The following TP53BP2 variants were observed in gnomAD, a reference collection of about 807,000 sequenced individuals.
TP53BP2 encodes tumor protein p53 binding protein 2.
Under a neutral mutation model 126.2 loss-of-function variants are expected in TP53BP2, and 62 were observed. The observed-to-expected ratio is 0.49, with a 90% confidence interval of 0.40 to 0.61. TP53BP2 has a LOEUF of 0.61. Among genes scored for constraint, TP53BP2 ranks in the 20% least tolerant of loss-of-function variants. The pLI is 0.00. For synonymous variants in TP53BP2, 485 were observed against 502.9 expected (o/e 0.96, Z 0.48); for missense variants, 1,215 against 1,402.8 (o/e 0.87, Z 2.14).
At chr1:223,789,541 C>T (rs1046119064) in intron 15 of TP53BP2, among the ~76,000 whole-genome samples, 1 of 152,180 alleles carries the variant, frequency 6.6e-6, no homozygotes, top group African/African-American at 2.4e-5. Context: ...AGTAGAAGCC[C>T]TAACAGTCCT....
chr1:223,836,123 A>G (rs1384126434), intron 1 of TP53BP2, among the ~76,000 whole-genome samples: 1 of 152,226 alleles, frequency 6.6e-6, no homozygotes, highest in Non-Finnish European at 1.5e-5. Context: ...AGGCAGGACA[A>G]AGAAGAGATG....
intron 1 of TP53BP2, among the ~76,000 whole-genome samples, chr1:223,825,274 T>C (rs1470120444): frequency 6.6e-6 from 1 of 152,168 alleles, no homozygotes; most frequent in African/African-American, 2.4e-5. Context: ...GCAAATGTGA[T>C]TGCATTTTAC....
In TP53BP2 at chr1:223,807,286, T is replaced by G. The variant is rs76768447; in HGVS notation, c.373-339A>C. ...ATATTACAACAGAAGTGTTTGATCATATTAAACATGGTATTGAGGCACTGG... is the reference window on the plus strand; with the variant it reads ...ATATTACAACAGAAGTGTTTGATCAGATTAAACATGGTATTGAGGCACTGG... On this transcript the variant is annotated intron_variant, in intron 4 of 17. Coordinates refer to ENST00000343537, the MANE Select transcript of TP53BP2 (RefSeq NM_001031685.3). Among the ~76,000 whole-genome samples, 346 of 152,326 alleles carry G rather than the reference T, an allele frequency of 2.3e-3. 2 individuals are homozygous for G. The highest frequency in any genetic ancestry group is 0.014 in the Middle Eastern group (4 of 294).
At chr1:223,845,633 C>T (rs761460857) in intron 1 of TP53BP2, 21 bp downstream of exon 1, 1 of 1,549,692 alleles carries the variant, frequency 6.5e-7, no homozygotes, top group Non-Finnish European at 8.6e-7. Flanking sequence ...GGCCCGACGC[C>T]CTGGCCGCTC....
At chr1:223,825,396 T>G (rs12754603) in intron 1 of TP53BP2, among the ~76,000 whole-genome samples, 1 of 152,168 alleles carries the variant, frequency 6.6e-6, no homozygotes, top group African/African-American at 2.4e-5. Context: ...AGGTAAAGAC[T>G]CTCCTGAATC....
chr1:223,843,704 T>A (rs1272066965), intron 1 of TP53BP2, among the ~76,000 whole-genome samples: 1 of 152,204 alleles, frequency 6.6e-6, no homozygotes, highest in African/African-American at 2.4e-5. Context: ...GATAAATTGG[T>A]TAGAATTTTC....
intron 1 of TP53BP2, among the ~76,000 whole-genome samples, chr1:223,822,693 T>A (rs1218761559): frequency 1.3e-5 from 2 of 150,268 alleles, no homozygotes; most frequent in Non-Finnish European, 3.0e-5. Flanking sequence ...AACCTAACAA[T>A]CTTGACAATC....
chr1:223,829,895 T>C (rs954590737), intron 1 of TP53BP2, among the ~76,000 whole-genome samples: 1 of 152,140 alleles, frequency 6.6e-6, no homozygotes, highest in African/African-American at 2.4e-5. Context: ...CCCTTCTTGG[T>C]GACCACATAC....
chr1:223,800,648 C>G, intron 10 of TP53BP2, 52 bp downstream of exon 10: 1 of 1,322,852 alleles, frequency 7.6e-7, no homozygotes, highest in Non-Finnish European at 1.1e-6. Context: ...ATACACAGCA[C>G]CTTTCAGATG....
chr1:223,789,344 A>C (rs1428630479), intron 15 of TP53BP2, among the ~76,000 whole-genome samples, 170 bp from the exon 16 acceptor site: 1 of 152,236 alleles, frequency 6.6e-6, no homozygotes, highest in Non-Finnish European at 1.5e-5. Context: ...GAACCCATCA[A>C]AGAATTACAG....
rs148138373 is a variant in TP53BP2, at chr1:223,821,560, G to A, written c.28-193C>T. On this transcript the variant is annotated intron_variant, in intron 1 of 17. Coordinates refer to ENST00000343537, the MANE Select transcript of TP53BP2 (RefSeq NM_001031685.3). ...GACCTGGAGCCCAGCCCCTACCATGGGGCAGTAGCTCTAGAACCCTTGGTG... is the reference window on the plus strand; with the variant it reads ...GACCTGGAGCCCAGCCCCTACCATGAGGCAGTAGCTCTAGAACCCTTGGTG... The A allele has an allele frequency of 3.0e-4, 230 of 757,026 alleles. No homozygotes were observed. The African/African-American group carries it at 3.2e-3, about 11-fold the overall frequency. 46.9% of individuals were successfully genotyped at this position (757,026 alleles called of 1,614,324 possible).
rs553471734 is a variant in TP53BP2, at chr1:223,814,380, T to A, written c.176-27A>T. Reference sequence around the variant, plus strand: ...TAAAGCAAATGAGTAGAAACCACATTATTTTCAGGTAAAAGAAAGATAAAT... The same window carrying A: ...TAAAGCAAATGAGTAGAAACCACATAATTTTCAGGTAAAAGAAAGATAAAT... On this transcript the variant is annotated intron_variant, in intron 2 of 17. Coordinates refer to ENST00000343537, the MANE Select transcript of TP53BP2 (RefSeq NM_001031685.3). The A allele has an allele frequency of 6.3e-5, 93 of 1,468,428 alleles. No individual in the cohort carries two copies. The South Asian group carries it at 9.6e-4, about 15-fold the overall frequency. The allele number at this position is 1,468,428 out of a possible 1,614,324, so 91.0% of individuals were successfully genotyped here.
chr1:223,841,040 C>G (rs1664084870), intron 1 of TP53BP2, among the ~76,000 whole-genome samples: 1 of 152,118 alleles, frequency 6.6e-6, no homozygotes, highest in Non-Finnish European at 1.5e-5. Flanking sequence ...ATCACGGGGT[C>G]AGGAGTTCAA....
intron 1 of TP53BP2, among the ~76,000 whole-genome samples, chr1:223,836,981 T>G (rs1663942285): frequency 6.6e-6 from 1 of 152,052 alleles, no homozygotes. Flanking sequence ...TTTTGAAAAT[T>G]ACCTACATAT....
At chr1:223,817,072 A>G (rs1192136979) in intron 2 of TP53BP2, among the ~76,000 whole-genome samples, 1 of 151,484 alleles carries the variant, frequency 6.6e-6, no homozygotes, top group Non-Finnish European at 1.5e-5. Flanking sequence ...AGGTGGGAGG[A>G]TCACTTGAGC....
rs1237646699 is a variant in TP53BP2, at chr1:223,780,874, T to G, written c.3384A>C (p.Pro1128=). 1.2e-6 allele frequency: 2 copies of G among 1,613,766 alleles called. No homozygotes were observed. Among genetic ancestry groups the G allele is most frequent in the African/African-American group, 2.7e-5 (2 of 74,930 alleles). ...AGTTTCAGGCCAAGCTCCTTTGTCT[T>G]GGTTTAATTCTTGGGTACAGCTGCA... ...NLLGLYPRIK[P]RQRSLA Residue 1128 remains proline, a synonymous_variant, in exon 18 of 18, where the codon CCA becomes CCC. Coordinates refer to ENST00000343537, the MANE Select transcript of TP53BP2 (RefSeq NM_001031685.3).
chr1:223,838,650 T>C (rs1476525811), intron 1 of TP53BP2, among the ~76,000 whole-genome samples: 1 of 152,198 alleles, frequency 6.6e-6, no homozygotes, highest in South Asian at 2.1e-4. Flanking sequence ...CCTATTAGGG[T>C]GATCCAAAAG....
intron 1 of TP53BP2, among the ~76,000 whole-genome samples, chr1:223,835,183 T>C (rs1308236940): frequency 6.6e-6 from 1 of 152,250 alleles, no homozygotes; most frequent in Non-Finnish European, 1.5e-5. Context: ...CTATAAATGG[T>C]ATTACTTCAC....
chr1:223,816,257 A>G (rs758584102), intron 2 of TP53BP2, among the ~76,000 whole-genome samples: 2 of 152,268 alleles, frequency 1.3e-5, no homozygotes, highest in Non-Finnish European at 2.9e-5. Flanking sequence ...TCCCTAGCAC[A>G]TAACAGGCAT....
Sources: gnomAD v4.1 joint callset for allele counts (sites outside exome capture counted in the v4.1 genomes callset) on GRCh38, gnomAD v4.1.1 for gene constraint, MANE v1.5 for transcripts, NCBI Gene and HGNC (gene_info 2026-07-23, HGNC 2026-07-21) for gene names.